Variants in TLN2 observed in about 807,000 individuals in gnomAD.
The protein encoded by TLN2 is talin 2, also known as talin-2.
TLN2 carries 118 observed loss-of-function variants against 294.7 expected under a neutral mutation model. The observed-to-expected ratio is 0.40, with a 90% CI of 0.34 to 0.47. TLN2 has a LOEUF of 0.47. Ranked by LOEUF, TLN2 falls within the 20% of genes least tolerant of loss-of-function variation. The pLI is 0.84. For synonymous variants in TLN2, 1,431 were observed against 1,304.5 expected (o/e 1.10, Z -2.09); for missense variants, 3,083 against 3,282.2 (o/e 0.94, Z 1.48).
At chr15:62,490,602 C>T (rs1358865485) in intron 1 of TLN2, among the ~76,000 whole-genome samples, 1 of 151,994 alleles carries the variant, frequency 6.6e-6, no homozygotes, top group Non-Finnish European at 1.5e-5. Context: ...CCTTATCTTA[C>T]ACCTTGGTAT....
Position 62,764,424 on chromosome 15 carries a change from C to CT in TLN2, c.5094+733dup, listed in dbSNP as rs553387500. ...TGCCACTGAATTCATTAACAATCAGCTTTTGGCCCAGAGTTAGTATTGCTC... is the reference window on the plus strand; with the variant it reads ...TGCCACTGAATTCATTAACAATCAGCTTTTTGGCCCAGAGTTAGTATTGCTC... On this transcript the variant is annotated intron_variant, in intron 40 of 58. Transcript: ENST00000636159. Among the ~76,000 whole-genome samples, 113 of 152,290 alleles carry CT rather than the reference C, an allele frequency of 7.4e-4. 1 individual carries two copies. Among genetic ancestry groups the CT allele is most frequent in the South Asian group, 3.3e-3 (16 of 4,818 alleles).
chr15:62,451,958 G>GGT (rs148333889), intron 1 of TLN2, among the ~76,000 whole-genome samples: 3,254 of 151,782 alleles, frequency 0.021, 107 homozygotes, highest in African/African-American at 0.075. Flanking sequence ...AGTCAAAAGG[G>GGT]GTGTGTGTGT....
chr15:62,556,348 C>A (rs1310112333), intron 1 of TLN2, among the ~76,000 whole-genome samples: 1 of 151,566 alleles, frequency 6.6e-6, no homozygotes, highest in Non-Finnish European at 1.5e-5. Context: ...ACTTTGTCAT[C>A]CAGGCTGGAG....
chr15:62,655,466 A>G (rs1388725824), intron 7 of TLN2, among the ~76,000 whole-genome samples: 1 of 151,942 alleles, frequency 6.6e-6, no homozygotes, highest in Non-Finnish European at 1.5e-5. Flanking sequence ...CCTCTTTTCT[A>G]CTTGAGATCA....
intron 3 of TLN2, chr15:62,638,559 CT>C (rs1215698584): frequency 8.8e-6 from 4 of 455,990 alleles, no homozygotes; most frequent in African/African-American, 8.0e-5. Context: ...TCTGGTTGTG[CT>C]TTTCTAGCAG....
chr15:62,501,852 A>G (rs2039326624), intron 1 of TLN2, among the ~76,000 whole-genome samples: 1 of 152,126 alleles, frequency 6.6e-6, no homozygotes, highest in Non-Finnish European at 1.5e-5. Flanking sequence ...CTTATGCCTG[A>G]TTTTTGAGAT....
intron 9 of TLN2, among the ~76,000 whole-genome samples, chr15:62,670,291 C>A (rs1173454369): frequency 2.0e-5 from 3 of 152,172 alleles, no homozygotes; most frequent in Non-Finnish European, 4.4e-5. Flanking sequence ...CTGGAGAAAG[C>A]CTGAAGCAGC....
At chr15:62,700,940 A>G (rs1230833567) in intron 16 of TLN2, among the ~76,000 whole-genome samples, 166 bp from the exon 17 acceptor site, 1 of 152,230 alleles carries the variant, frequency 6.6e-6, no homozygotes, top group African/African-American at 2.4e-5. Context: ...TTGCTCCTTA[A>G]GAGGCCTGTT....
chr15:62,783,352 A>G (rs937413), intron 44 of TLN2, among the ~76,000 whole-genome samples: 149,693 of 152,334 alleles, frequency 0.98, 73,598 homozygotes, highest in Middle Eastern at 1. Flanking sequence ...CCAGGGGTGA[A>G]AATCGCATAG....
chr15:62,742,416 T>C (rs2061390553), intron 32 of TLN2, among the ~76,000 whole-genome samples: 1 of 152,162 alleles, frequency 6.6e-6, no homozygotes. Flanking sequence ...TTTCATTATC[T>C]TCAATTTTTT....
chr15:62,801,155 A>G (rs1290086663), intron 50 of TLN2, among the ~76,000 whole-genome samples: 1 of 152,202 alleles, frequency 6.6e-6, no homozygotes, highest in Non-Finnish European at 1.5e-5. Context: ...TGCTCTTGGT[A>G]CCCGCACACA....
chr15:62,690,186 A>G (rs1195742467), intron 12 of TLN2: 3 of 148,800 alleles, frequency 2.0e-5, no homozygotes, highest in Non-Finnish European at 2.8e-5. Flanking sequence ...GGTGGCTGCC[A>G]GGCGGAGACG....
At chr15:62,638,974 G>A (rs1479594354) in intron 3 of TLN2, among the ~76,000 whole-genome samples, 1 of 152,140 alleles carries the variant, frequency 6.6e-6, no homozygotes, top group Non-Finnish European at 1.5e-5. Flanking sequence ...TCTGCTGGAT[G>A]TTGGCCCTCT....
Position 62,581,713 on chromosome 15 carries a change from G to C in TLN2, c.-237-7974G>C, listed in dbSNP as rs145302552. On this transcript the variant is annotated intron_variant, in intron 1 of 58. Coordinates refer to ENST00000636159, the MANE Select transcript of TLN2 (RefSeq NM_015059.3). ...CTAGTTGACAACAGACCAAAGAGTCGAGAAGTTTATTCACAGACCCCAGGT... is the reference window on the plus strand; with the variant it reads ...CTAGTTGACAACAGACCAAAGAGTCCAGAAGTTTATTCACAGACCCCAGGT... Among the ~76,000 whole-genome samples the C allele has an allele frequency of 9.9e-5, 15 of 152,196 alleles. No individual in the cohort carries two copies. In the East Asian group the frequency reaches 2.7e-3, roughly 27 times the overall value.
chr15:62,665,611 G>A (rs957113819), intron 9 of TLN2, among the ~76,000 whole-genome samples: 1 of 152,076 alleles, frequency 6.6e-6, no homozygotes, highest in Non-Finnish European at 1.5e-5. Context: ...GGAATTCCTC[G>A]GAAGTATTTT....
At chr15:62,577,800 C>T (rs767042718) in intron 1 of TLN2, among the ~76,000 whole-genome samples, 4 of 152,100 alleles carry the variant, frequency 2.6e-5, no homozygotes, top group Non-Finnish European at 5.9e-5. Flanking sequence ...CCCATCAACT[C>T]GTCATTTACA....
At chr15:62,399,029 G>A (rs929360268) in intron 1 of TLN2, among the ~76,000 whole-genome samples, 1 of 152,094 alleles carries the variant, frequency 6.6e-6, no homozygotes, top group Non-Finnish European at 1.5e-5. Context: ...CTGCATCCCA[G>A]CCGCTCCAGC....
chr15:62,554,010 T>A (rs1297007890), intron 1 of TLN2, among the ~76,000 whole-genome samples: 2 of 152,096 alleles, frequency 1.3e-5, no homozygotes, highest in Admixed American at 1.3e-4. Flanking sequence ...TTTATTATTT[T>A]CTTTCACTAG....
At chr15:62,423,255 C>T (rs766254386) in intron 1 of TLN2, among the ~76,000 whole-genome samples, 17 of 152,104 alleles carry the variant, frequency 1.1e-4, no homozygotes, top group African/African-American at 3.6e-4. Flanking sequence ...GGCATGGTGG[C>T]GTGAGCTTGT....
Sources: gnomAD v4.1 joint callset for allele counts (sites outside exome capture counted in the v4.1 genomes callset) on GRCh38, gnomAD v4.1.1 for gene constraint, MANE v1.5 for transcripts, NCBI Gene and HGNC (gene_info 2026-07-23, HGNC 2026-07-21) for gene names.